SUGCT: variants seen among roughly 807,000 people sequenced by gnomAD.
SUGCT encodes succinyl-CoA:glutarate-CoA transferase, also known as succinyl-CoA:glutarate CoA-transferase.
A neutral mutation model predicts 55.0 loss-of-function variants in SUGCT; 41 were observed. The observed-to-expected ratio is 0.74, with a 90% CI of 0.58 to 0.97. The LOEUF is 0.97. Ranked by LOEUF, SUGCT falls within the 50% of genes least tolerant of loss-of-function variation. SUGCT has a pLI of 0.00. For missense variants in SUGCT, 568 were observed against 547.8 expected (o/e 1.04, Z -0.37); for synonymous variants, 187 against 200.4 (o/e 0.93, Z 0.56).
At chr7:40,176,157 G>A (rs528888302) in intron 1 of SUGCT, among the ~76,000 whole-genome samples, 3 of 152,102 alleles carry the variant, frequency 2.0e-5, no homozygotes, top group African/African-American at 7.2e-5. Context: ...ACTTGAACCC[G>A]GGAGGTGGAG....
At chr7:41,035,948 G>A in the SUGCT span, among the ~76,000 whole-genome samples, 18 of 152,190 alleles carry the variant, frequency 1.2e-4, no homozygotes, top group African/African-American at 3.6e-4. Context: ...TGACTCCTCA[G>A]GGGGAGCAGC....
intron 12 of SUGCT, among the ~76,000 whole-genome samples, chr7:40,541,295 G>A (rs902076626): frequency 6.6e-5 from 10 of 152,194 alleles, no homozygotes; most frequent in African/African-American, 2.2e-4. Context: ...ATGTAGAGAT[G>A]TGGGGGCCAA....
At chr7:40,366,965 C>G (rs138253134) in intron 9 of SUGCT, among the ~76,000 whole-genome samples, 1 of 152,084 alleles carries the variant, frequency 6.6e-6, no homozygotes, top group Non-Finnish European at 1.5e-5. Context: ...CACATGCACA[C>G]GTATGTTTAT....
rs559178352 is a variant in SUGCT at position 40,701,879 on chromosome 7, G to A, written c.1090-47555G>A. 2.0e-5 allele frequency among the ~76,000 whole-genome samples: 3 copies of A among 152,304 alleles called. No homozygotes were observed. The East Asian group carries it at 5.8e-4, about 29-fold the overall frequency. ...AGAGCCAGACAGTGAGTGAAGGAGA[G>A]ATATGCTCTAAAAACTTAGCCTCAG... On this transcript the variant is annotated intron_variant, in intron 12 of 13. Transcript: ENST00000335693.
chr7:40,727,230 A>G (rs1786656796), intron 12 of SUGCT, among the ~76,000 whole-genome samples: 1 of 152,174 alleles, frequency 6.6e-6, no homozygotes, highest in Non-Finnish European at 1.5e-5. Flanking sequence ...TTAGCAGGAA[A>G]TCTATTATTA....
At chr7:40,275,999 G>T (rs191573422) in intron 8 of SUGCT, among the ~76,000 whole-genome samples, 1 of 152,224 alleles carries the variant, frequency 6.6e-6, no homozygotes, top group East Asian at 1.9e-4. Flanking sequence ...ACCCCAGTTG[G>T]GAATTTCAGA....
chr7:40,898,183 C>T, the SUGCT span, among the ~76,000 whole-genome samples: 12,606 of 152,124 alleles, frequency 0.083, 618 homozygotes, highest in South Asian at 0.15. Flanking sequence ...GAGGACTGAA[C>T]AACTCTGGAC....
At chr7:40,864,315 GC>G (rs1000758358), downstream of SUGCT, among the ~76,000 whole-genome samples, 4 of 152,066 alleles carry the variant, frequency 2.6e-5, no homozygotes, top group Non-Finnish European at 5.9e-5. Flanking sequence ...CACCACCACT[GC>G]CCAGCTAATT....
intron 12 of SUGCT, among the ~76,000 whole-genome samples, chr7:40,543,335 C>T (rs1794807191): frequency 6.6e-6 from 1 of 152,138 alleles, no homozygotes; most frequent in African/African-American, 2.4e-5. Flanking sequence ...AAAATATATG[C>T]AGCTCAAAAA....
At chr7:40,865,745 C>T (rs1205796771), downstream of SUGCT, among the ~76,000 whole-genome samples, 2 of 152,150 alleles carry the variant, frequency 1.3e-5, no homozygotes, top group Non-Finnish European at 2.9e-5. Flanking sequence ...GCTTCTTACT[C>T]TTTCTTAGCA....
At chr7:40,769,421 A>T (rs1788974776) in intron 13 of SUGCT, among the ~76,000 whole-genome samples, 1 of 152,242 alleles carries the variant, frequency 6.6e-6, no homozygotes, top group Admixed American at 6.5e-5. Flanking sequence ...GATGCGATTA[A>T]TTCAAGGATG....
the SUGCT span, among the ~76,000 whole-genome samples, chr7:40,974,543 T>A: frequency 6.6e-6 from 1 of 152,212 alleles, no homozygotes; most frequent in South Asian, 2.1e-4. Flanking sequence ...ACTTCCAGCA[T>A]CAAGAACTGT....
intron 8 of SUGCT, among the ~76,000 whole-genome samples, chr7:40,291,978 G>A (rs984072619): frequency 5.3e-5 from 8 of 152,094 alleles, no homozygotes; most frequent in Non-Finnish European, 1.0e-4. Context: ...TAGCCCATGC[G>A]GAGTGATTTC....
intron 12 of SUGCT, among the ~76,000 whole-genome samples, chr7:40,655,873 A>G (rs1229580101): frequency 1.3e-5 from 2 of 152,178 alleles, no homozygotes; most frequent in Admixed American, 6.5e-5. Flanking sequence ...TCTGTGCCAT[A>G]CTACTGATGT....
intron 9 of SUGCT, among the ~76,000 whole-genome samples, chr7:40,377,736 A>C (rs1784675786): frequency 6.6e-6 from 1 of 152,118 alleles, no homozygotes; most frequent in African/African-American, 2.4e-5. Context: ...GTGTCCTTTC[A>C]TTTCAGTTTT....
chr7:40,617,095 A>G (rs1799038472), intron 12 of SUGCT, among the ~76,000 whole-genome samples: 2 of 151,836 alleles, frequency 1.3e-5, no homozygotes, highest in African/African-American at 2.4e-5. Flanking sequence ...CTTGTTTAAT[A>G]TTTGAAAAAA....
the SUGCT span, among the ~76,000 whole-genome samples, chr7:40,975,702 G>A: frequency 6.6e-6 from 1 of 152,098 alleles, no homozygotes; most frequent in Non-Finnish European, 1.5e-5. Context: ...CAGCCCACAG[G>A]GTTCTACCTA....
At chr7:40,336,815 C>A (rs558757828) in intron 9 of SUGCT, among the ~76,000 whole-genome samples, 1 of 151,824 alleles carries the variant, frequency 6.6e-6, no homozygotes, top group African/African-American at 2.4e-5. Context: ...TGCTCTTGCT[C>A]CTCTAGTTCT....
intron 9 of SUGCT, among the ~76,000 whole-genome samples, chr7:40,322,960 G>T (rs73135054): frequency 1.1e-4 from 3 of 27,530 alleles, no homozygotes; most frequent in Middle Eastern, 0.016. Flanking sequence ...GCGAGACCCT[G>T]TCTCAAATAA....
Sources: allele counts gnomAD v4.1 joint callset (sites outside exome capture counted in the v4.1 genomes callset), GRCh38; gene constraint gnomAD v4.1.1; transcripts MANE v1.5; gene names NCBI Gene and HGNC (gene_info 2026-07-23, HGNC 2026-07-21).